Variants in LRRC20 observed in about 807,000 individuals in gnomAD.
The protein encoded by LRRC20 is leucine rich repeat containing 20.
In LRRC20, 11 loss-of-function variants were observed where a neutral mutation model predicts 14.4. The observed-to-expected ratio is 0.77, with a 90% CI of 0.48 to 1.27. The LOEUF (loss-of-function observed/expected upper bound fraction) is 1.27. LRRC20 is among the 50% of genes most tolerant of loss of function. The probability of loss-of-function intolerance (pLI) is 0.00; values close to 1 mark genes in which losing one functional copy is unlikely to be tolerated. For synonymous variants in LRRC20, 121 were observed against 107.3 expected, an observed-to-expected ratio of 1.13 and a Z score of -0.79; for missense variants, 219 against 251.2, an observed-to-expected ratio of 0.87 and a Z score of 0.87.
At chr10:70,311,504 G>A (rs1389306782) in intron 4 of LRRC20, among the ~76,000 whole-genome samples, 1 of 152,110 alleles carries the variant, frequency 6.6e-6, no homozygotes, top group African/African-American at 2.4e-5. Context: ...TTACAGGCAT[G>A]AGCCACTGCA....
intron 2 of LRRC20, among the ~76,000 whole-genome samples, chr10:70,362,905 G>A (rs993246713): frequency 1.3e-5 from 2 of 152,120 alleles, no homozygotes; most frequent in Admixed American, 1.3e-4. Context: ...TTGAGGTGGG[G>A]CCTTTGGGAG....
chr10:70,301,590 A>G (rs1030348885), intron 4 of LRRC20, 82 bp from the exon 5 acceptor site: 3 of 1,503,580 alleles, frequency 2.0e-6, no homozygotes, highest in African/African-American at 2.7e-5. Context: ...GAGGACTCTG[A>G]GCACCTGATG....
At chr10:70,357,731 A>G (rs1253465960) in intron 2 of LRRC20, among the ~76,000 whole-genome samples, 1 of 152,256 alleles carries the variant, frequency 6.6e-6, no homozygotes, top group African/African-American at 2.4e-5. Flanking sequence ...AGTAAATCCC[A>G]CACAGAATAC....
At chr10:70,311,654 G>A (rs1292439986) in intron 4 of LRRC20, among the ~76,000 whole-genome samples, 1 of 152,186 alleles carries the variant, frequency 6.6e-6, no homozygotes, top group East Asian at 1.9e-4. Flanking sequence ...TGAAGCCAGA[G>A]GAATGTCCCT....
At chr10:70,365,907 A>C (rs956334387) in intron 2 of LRRC20, among the ~76,000 whole-genome samples, 3 of 151,822 alleles carry the variant, frequency 2.0e-5, no homozygotes. Flanking sequence ...CTCTCTACTA[A>C]AAATACAAAA....
At chr10:70,350,755 A>G (rs1377893483) in intron 2 of LRRC20, among the ~76,000 whole-genome samples, 2 of 152,226 alleles carry the variant, frequency 1.3e-5, no homozygotes, top group African/African-American at 2.4e-5. Flanking sequence ...GACCTAGCCA[A>G]GAAGTAAGGC....
intron 2 of LRRC20, among the ~76,000 whole-genome samples, chr10:70,357,272 T>C (rs965689192): frequency 6.6e-6 from 1 of 152,222 alleles, no homozygotes; most frequent in African/African-American, 2.4e-5. Flanking sequence ...TGGCTTAGAA[T>C]TAGACAGCAG....
intron 1 of LRRC20, chr10:70,381,629 ACCGGAGCCT>A (rs1310378924): frequency 1.3e-5 from 2 of 152,264 alleles, no homozygotes; most frequent in Non-Finnish European, 2.9e-5. Context: ...CGGATGGGCA[ACCGGAGCCT>A]CCGGAGCCAT....
intron 4 of LRRC20, among the ~76,000 whole-genome samples, chr10:70,317,087 G>T (rs1841892244): frequency 6.6e-6 from 1 of 152,224 alleles, no homozygotes; most frequent in South Asian, 2.1e-4. Context: ...CCTCCAGATG[G>T]GCTTGGAGCC....
At chr10:70,338,967 A>G (rs116425276) in intron 3 of LRRC20, among the ~76,000 whole-genome samples, 2,250 of 151,752 alleles carry the variant, frequency 0.015, 62 homozygotes, top group African/African-American at 0.052. Flanking sequence ...GGCAACGTGG[A>G]CATATGTTTT....
intron 4 of LRRC20, among the ~76,000 whole-genome samples, chr10:70,305,115 T>G (rs894389670): frequency 1.3e-5 from 2 of 149,624 alleles, no homozygotes; most frequent in Non-Finnish European, 3.0e-5. Flanking sequence ...ACCTGGGAGG[T>G]GGAGGTTGCA....
chr10:70,360,370 T>C (rs1328740996), intron 2 of LRRC20, among the ~76,000 whole-genome samples: 1 of 151,282 alleles, frequency 6.6e-6, no homozygotes, highest in Non-Finnish European at 1.5e-5. Flanking sequence ...GCTTTCCTCC[T>C]CCTCCTCCTC....
chr10:70,325,952 G>C (rs1842301085), intron 3 of LRRC20, among the ~76,000 whole-genome samples: 1 of 151,898 alleles, frequency 6.6e-6, no homozygotes, highest in African/African-American at 2.4e-5. Context: ...ACTTAAAACT[G>C]GCATTCCACA....
At chr10:70,333,491 A>T (rs1322436327) in intron 3 of LRRC20, among the ~76,000 whole-genome samples, 1 of 152,188 alleles carries the variant, frequency 6.6e-6, no homozygotes, top group Non-Finnish European at 1.5e-5. Context: ...TAGAGCCTCA[A>T]AATGCCCTCT....
intron 2 of LRRC20, among the ~76,000 whole-genome samples, chr10:70,367,201 T>C (rs1437554875): frequency 6.6e-6 from 1 of 151,396 alleles, no homozygotes; most frequent in Non-Finnish European, 1.5e-5. Context: ...GGTGCACACA[T>C]GTAGTCCTAG....
At chr10:70,332,119 C>T (rs1162652276) in intron 3 of LRRC20, among the ~76,000 whole-genome samples, 2 of 152,202 alleles carry the variant, frequency 1.3e-5, no homozygotes, top group Admixed American at 6.5e-5. Flanking sequence ...ACTGCACGGA[C>T]TCCCCAGCAG....
chr10:70,373,857 G>A (rs4747020), intron 2 of LRRC20, among the ~76,000 whole-genome samples: 147,637 of 152,314 alleles, frequency 0.97, 71,703 homozygotes, highest in Non-Finnish European at 1. Flanking sequence ...AGGGTGGCCA[G>A]AGAACTGCTT....
intron 3 of LRRC20, among the ~76,000 whole-genome samples, chr10:70,332,263 G>T (rs1331503356): frequency 6.6e-6 from 1 of 152,184 alleles, no homozygotes. Flanking sequence ...ACTCCTTGGG[G>T]GTGGACAAGG....
chr10:70,371,291 C>T (rs373981136), intron 2 of LRRC20, among the ~76,000 whole-genome samples: 11 of 152,002 alleles, frequency 7.2e-5, no homozygotes, highest in African/African-American at 2.4e-4. Flanking sequence ...GTGTGTGCCA[C>T]TGCACCTGGC....
Sources: allele counts gnomAD v4.1 joint callset (sites outside exome capture counted in the v4.1 genomes callset), GRCh38; gene constraint gnomAD v4.1.1; transcripts MANE v1.5; gene names NCBI Gene and HGNC (gene_info 2026-07-23, HGNC 2026-07-21).